The following FGF14 variants were observed in gnomAD, a reference collection of about 807,000 sequenced individuals.
The protein encoded by FGF14 is fibroblast growth factor homologous factor 4.
FGF14 carries 5 observed loss-of-function variants against 25.5 expected under a neutral mutation model. That is an observed-to-expected ratio of 0.20 (90% confidence interval 0.10 to 0.41). FGF14 has a LOEUF of 0.41. Ranked by LOEUF, FGF14 falls within the 10% of genes least tolerant of loss-of-function variation. The pLI is 1.00. For missense variants in FGF14, 222 were observed against 320.1 expected, an observed-to-expected ratio of 0.69 and a Z score of 2.34; for synonymous variants, 138 against 118.3, an observed-to-expected ratio of 1.17 and a Z score of -1.08.
In FGF14 at chr13:102,382,669, T is replaced by G. The variant is rs547534017; in HGVS notation, c.208+18802A>C. The stretch of plus-strand genomic sequence containing the variant: ...ATATGTCCATGTAAAAATGTATACA[T>G]AAATGTTCATAGCTGCATTATTTAT... On this transcript the variant is annotated intron_variant, in intron 1 of 4. Transcript: ENST00000376131. Among the ~76,000 whole-genome samples the G allele has an allele frequency of 2.1e-3, 322 of 152,178 alleles. 1 individual carries two copies. Among genetic ancestry groups the G allele is most frequent in the Non-Finnish European group, 3.7e-3 (252 of 67,934 alleles).
intron 1 of FGF14, among the ~76,000 whole-genome samples, chr13:102,297,819 C>A (rs1040714175): frequency 6.6e-6 from 1 of 151,826 alleles, no homozygotes; most frequent in Non-Finnish European, 1.5e-5. Flanking sequence ...TGGCTTGATC[C>A]CAGGAAGTCA....
At chr13:101,848,490 G>A (rs888431943) in intron 3 of FGF14, among the ~76,000 whole-genome samples, 6 of 152,018 alleles carry the variant, frequency 3.9e-5, no homozygotes, top group African/African-American at 1.4e-4. Context: ...AAAGAAATGA[G>A]TGACTGCCAA....
chr13:102,390,534 G>A (rs547031491), intron 1 of FGF14, among the ~76,000 whole-genome samples: 3 of 152,176 alleles, frequency 2.0e-5, no homozygotes, highest in Non-Finnish European at 4.4e-5. Context: ...ATGTATTCTG[G>A]AGTCAGATTA....
rs952294065 is a variant in FGF14, at chr13:101,721,151, C to G, written c.*1680G>C. 6.6e-6 allele frequency: 1 copy of G among 151,710 alleles called. No homozygotes were observed. Among genetic ancestry groups the G allele is most frequent in the Non-Finnish European group, 1.5e-5 (1 of 67,812 alleles). The allele number at this position is 151,710 out of a possible 1,614,324, so 9.4% of individuals were successfully genotyped here. On this transcript the variant is annotated 3_prime_UTR_variant, in exon 5 of 5. Coordinates refer to ENST00000376143, the MANE Select transcript of FGF14 (RefSeq NM_004115.4). ...CAATAAATGAGGTTCAGTTTGGTCT[C>G]AATGAACTCTTCTGAGAAGAAAACA...
At chr13:101,738,942 GTA>G (rs1212834776) in intron 3 of FGF14, among the ~76,000 whole-genome samples, 5 of 75,654 alleles carry the variant, frequency 6.6e-5, no homozygotes, top group East Asian at 2.6e-4. Flanking sequence ...TGTATATATT[GTA>G]TGTGTGTGTG....
intron 3 of FGF14, among the ~76,000 whole-genome samples, chr13:101,864,742 C>T (rs529348148): frequency 8.6e-5 from 13 of 152,018 alleles, no homozygotes; most frequent in Non-Finnish European, 1.3e-4. Context: ...CTTACGACCG[C>T]GAAGATGCCT....
intron 1 of FGF14, among the ~76,000 whole-genome samples, chr13:102,386,158 G>A (rs1051451989): frequency 2.1e-5 from 3 of 141,972 alleles, no homozygotes; most frequent in Non-Finnish European, 3.0e-5. Flanking sequence ...TTTTTGAAAC[G>A]GAGTCTTGCT....
At chr13:102,147,616 C>G (rs552680601) in intron 1 of FGF14, among the ~76,000 whole-genome samples, 10 of 152,270 alleles carry the variant, frequency 6.6e-5, no homozygotes, top group African/African-American at 2.4e-4. Context: ...AAAATGTCAT[C>G]AAAATGCCAC....
At chr13:102,297,856 A>C (rs887929499) in intron 1 of FGF14, among the ~76,000 whole-genome samples, 2 of 152,116 alleles carry the variant, frequency 1.3e-5, no homozygotes, top group South Asian at 4.1e-4. Context: ...TAAATGAACC[A>C]AAACTATTTT....
At chr13:101,864,349 G>A (rs1376677821) in intron 3 of FGF14, among the ~76,000 whole-genome samples, 1 of 152,086 alleles carries the variant, frequency 6.6e-6, no homozygotes, top group Non-Finnish European at 1.5e-5. Context: ...CACCAACTCT[G>A]TTACCATCAC....
chr13:101,822,478 G>T (rs2042202211), intron 3 of FGF14, among the ~76,000 whole-genome samples: 1 of 135,506 alleles, frequency 7.4e-6, no homozygotes. Context: ...TTTAAAATCA[G>T]CTTGTAAATT....
At chr13:101,767,852 C>T (rs2038505281) in intron 3 of FGF14, among the ~76,000 whole-genome samples, 1 of 152,050 alleles carries the variant, frequency 6.6e-6, no homozygotes, top group East Asian at 1.9e-4. Context: ...TTGAGAGAAA[C>T]AATTACTTTT....
intron 1 of FGF14, among the ~76,000 whole-genome samples, chr13:101,882,619 A>T (rs1005892831): frequency 9.9e-5 from 15 of 152,076 alleles, no homozygotes; most frequent in African/African-American, 3.6e-4. Flanking sequence ...TTAAAAAAAT[A>T]AGCAGTGGGT....
chr13:101,881,607 T>A (rs956085059), intron 1 of FGF14, among the ~76,000 whole-genome samples: 2 of 150,130 alleles, frequency 1.3e-5, no homozygotes, highest in Admixed American at 1.3e-4. Context: ...CTTTTGGTGA[T>A]AACATTTGGG....
At chr13:102,219,306 C>G (rs1208154445) in intron 1 of FGF14, among the ~76,000 whole-genome samples, 1 of 152,172 alleles carries the variant, frequency 6.6e-6, no homozygotes, top group Non-Finnish European at 1.5e-5. Context: ...TGCCTGCTTA[C>G]ATGGAGGTGC....
At chr13:101,989,129 A>C (rs1028207479) in intron 1 of FGF14, among the ~76,000 whole-genome samples, 3 of 152,100 alleles carry the variant, frequency 2.0e-5, no homozygotes, top group Non-Finnish European at 2.9e-5. Context: ...TATTTCACTG[A>C]AGATATACTT....
intron 1 of FGF14, among the ~76,000 whole-genome samples, chr13:102,008,931 C>G (rs1324511098): frequency 6.6e-6 from 1 of 151,940 alleles, no homozygotes; most frequent in African/African-American, 2.4e-5. Flanking sequence ...GTATTATATC[C>G]TTAATAAAAA....
At chr13:101,953,704 C>T (rs2036326888) in intron 1 of FGF14, among the ~76,000 whole-genome samples, 1 of 151,618 alleles carries the variant, frequency 6.6e-6, no homozygotes, top group African/African-American at 2.4e-5. Context: ...GATTCTCCTG[C>T]CTCAGCCTCC....
chr13:101,964,246 T>C (rs1269671356), intron 1 of FGF14, among the ~76,000 whole-genome samples: 1 of 148,450 alleles, frequency 6.7e-6, no homozygotes, highest in Non-Finnish European at 1.5e-5. Flanking sequence ...GACTTTTTAG[T>C]TGTAAAGATT....
Sources: gnomAD v4.1 joint callset for allele counts (sites outside exome capture counted in the v4.1 genomes callset) on GRCh38, gnomAD v4.1.1 for gene constraint, MANE v1.5 for transcripts, NCBI Gene and HGNC (gene_info 2026-07-23, HGNC 2026-07-21) for gene names.